SCART1: variants seen among roughly 807,000 people sequenced by gnomAD.
The protein encoded by SCART1 is scavenger receptor family member expressed on T cells 1.
A neutral mutation model predicts 36.2 loss-of-function variants in SCART1; 62 were observed. That is an observed-to-expected ratio of 1.71 (90% CI 1.40 to 2.12). The LOEUF (loss-of-function observed/expected upper bound fraction) is 2.12, where lower values mean the gene tolerates loss of function less well. SCART1 is among the 30% of genes most tolerant of loss of function. SCART1 has a pLI of 0.00. For synonymous variants in SCART1, 487 were observed against 238.7 expected (o/e 2.04, Z -9.59); for missense variants, 1,041 against 540.5 (o/e 1.93, Z -9.18).
At chr10:133,458,571 G>A (rs935772007) in exon 4 of SCART1, 14 of 686,290 alleles carry the variant, frequency 2.0e-5, no homozygotes, top group East Asian at 1.6e-4. Flanking sequence ...TCCGCTGTGC[G>A]GGCAACGAGT....
At chr10:133,467,999 C>T (rs1356209781) in exon 12 of SCART1, 2 of 653,192 alleles carry the variant, frequency 3.1e-6, no homozygotes, top group Admixed American at 4.4e-5. Context: ...CACCAGCTGG[C>T]TGTCGAAATC....
chr10:133,464,428 A>G, intron 6 of SCART1, 178 bp from the exon 7 acceptor site: 9 of 574,862 alleles, frequency 1.6e-5, no homozygotes, highest in Admixed American at 3.2e-5. Flanking sequence ...GGGTCTATAC[A>G]CAGCAGTGGG....
At chr10:133,456,738 C>T (rs987478321) in intron 2 of SCART1, among the ~76,000 whole-genome samples, 184 bp downstream of exon 2, 5 of 152,024 alleles carry the variant, frequency 3.3e-5, no homozygotes, top group African/African-American at 4.8e-5. Context: ...GCCATCCTGA[C>T]TGTAAGATTC....
exon 9 of SCART1, chr10:133,465,413 T>C: frequency 1.7e-6 from 1 of 583,974 alleles, no homozygotes. Context: ...GTCGCCGCCC[T>C]GGGGGCCGCC....
chr10:133,457,443 C>A, exon 3 of SCART1: 1 of 702,514 alleles, frequency 1.4e-6, no homozygotes, highest in Non-Finnish European at 2.6e-6. Context: ...CCAGGCCCCC[C>A]GCCGGGACGT....
intron 2 of SCART1, 140 bp from the exon 3 acceptor site, chr10:133,457,139 C>G (rs904188328): frequency 2.9e-5 from 18 of 629,580 alleles, no homozygotes; most frequent in Non-Finnish European, 4.8e-5. Context: ...AGCCCAGGGC[C>G]CTGTGTGACT....
Position 133,466,221 on chromosome 10 carries a change from C to A in SCART1, c.2660-14C>A, listed in dbSNP as rs1404039766. The A allele has an allele frequency of 2.9e-6, 2 of 700,910 alleles. No homozygotes were observed. Among genetic ancestry groups the A allele is most frequent in the Non-Finnish European group, 2.6e-6 (1 of 384,104 alleles). 43.4% of individuals were successfully genotyped at this position (700,910 alleles called of 1,614,324 possible). On this transcript the variant is annotated splice_polypyrimidine_tract_variant and intron_variant, in intron 9 of 11. Coordinates refer to ENST00000640237, the Ensembl canonical transcript of SCART1. ...CCCCACCACCCAGCTGGCTCAAGAC[C>A]TCTCCTTTCTCAGAGCCTGGCCCAG... is the stretch of plus-strand genomic sequence containing the variant.
exon 9 of SCART1, chr10:133,465,444 G>A (rs1393182737): frequency 3.7e-6 from 2 of 543,592 alleles, no homozygotes; most frequent in Non-Finnish European, 6.4e-6. Flanking sequence ...CTGGCTCCGG[G>A]CCCGTGTGGC....
chr10:133,460,102 A>G (rs1329365699), exon 6 of SCART1: 10 of 518,216 alleles, frequency 1.9e-5, no homozygotes, highest in Non-Finnish European at 3.0e-5. Context: ...GCGCTGTGGC[A>G]GTGCCCGTCG....
intron 1 of SCART1, 147 bp from the exon 2 acceptor site, chr10:133,456,090 A>C: frequency 6.6e-6 from 4 of 603,398 alleles, no homozygotes; most frequent in Non-Finnish European, 8.9e-6. Flanking sequence ...AGCCGCGCCC[A>C]TCACCTCTCT....
chr10:133,454,084 ATCC>A lies in SCART1; in HGVS notation c.67+21_67+23del, dbSNP rs1850580037. ...CCATTGGTAAGTTTCTGCTTCCTTC[ATCC>A]ATGGAACTTTCTGGAGGCATCAGCT... On this transcript the variant is annotated intron_variant, in intron 1 of 11. Coordinates refer to ENST00000640237, the Ensembl canonical transcript of SCART1. 1 of 702,350 alleles carries A rather than the reference ATCC, an allele frequency of 1.4e-6. No homozygotes were observed. Among genetic ancestry groups the A allele is most frequent in the Non-Finnish European group, 2.6e-6 (1 of 384,932 alleles). The allele number at this position is 702,350 out of a possible 1,614,324, so 43.5% of individuals were successfully genotyped here.
intron 10 of SCART1, 125 bp from the exon 11 acceptor site, chr10:133,467,073 C>G (rs958611064): frequency 8.8e-6 from 5 of 570,950 alleles, no homozygotes; most frequent in African/African-American, 7.6e-5. Flanking sequence ...TCCCTCCATC[C>G]CAGCCCACAG....
chr10:133,458,991 C>T, intron 4 of SCART1, 30 bp from the exon 5 acceptor site: 1 of 650,766 alleles, frequency 1.5e-6, no homozygotes, highest in Non-Finnish European at 2.8e-6. Flanking sequence ...CGGCCGTCTG[C>T]AAGCCAGGCT....
chr10:133,458,989 T>C (rs1293108713), intron 4 of SCART1, 32 bp from the exon 5 acceptor site: 10 of 650,130 alleles, frequency 1.5e-5, no homozygotes, highest in Non-Finnish European at 2.8e-5. Flanking sequence ...GTCGGCCGTC[T>C]GCAAGCCAGG....
At chr10:133,455,712 C>A (rs1381310856) in intron 1 of SCART1, among the ~76,000 whole-genome samples, 1 of 151,456 alleles carries the variant, frequency 6.6e-6, no homozygotes, top group Non-Finnish European at 1.5e-5. Context: ...GCCTGGAAGC[C>A]GGTATGGGTG....
At chr10:133,460,039 C>T in exon 6 of SCART1, 2 of 514,286 alleles carry the variant, frequency 3.9e-6, no homozygotes, top group Admixed American at 4.1e-5. Flanking sequence ...CACTTCGGAG[C>T]CGGGGCAGGG....
At chr10:133,459,550 C>T in exon 6 of SCART1, 1 of 682,892 alleles carries the variant, frequency 1.5e-6, no homozygotes, top group Non-Finnish European at 2.7e-6. Flanking sequence ...GTGGAGGTCT[C>T]CCTGGATGGC....
At chr10:133,458,519 C>G in exon 4 of SCART1, 1 of 674,934 alleles carries the variant, frequency 1.5e-6, no homozygotes, top group Non-Finnish European at 2.7e-6. Flanking sequence ...CCCGAGGGCG[C>G]CCGCTTCGGC....
chr10:133,458,732 G>A (rs977620738), intron 4 of SCART1, 76 bp downstream of exon 4: 5 of 683,460 alleles, frequency 7.3e-6, no homozygotes, highest in African/African-American at 5.4e-5. Flanking sequence ...CCCTAAAGGT[G>A]CCTCTGGCCA....
Sources: allele counts gnomAD v4.1 joint callset (sites outside exome capture counted in the v4.1 genomes callset), GRCh38; gene constraint gnomAD v4.1.1; transcripts MANE v1.5; gene names NCBI Gene and HGNC (gene_info 2026-07-23, HGNC 2026-07-21).